UNKL: variants seen among roughly 807,000 people sequenced by gnomAD.
The protein encoded by UNKL is unk like zinc finger.
Under a neutral mutation model 78.0 loss-of-function variants are expected in UNKL, and 60 were observed. That is an observed-to-expected ratio of 0.77 (90% CI 0.63 to 0.95). The LOEUF (loss-of-function observed/expected upper bound fraction) is 0.95. Among genes scored for constraint, UNKL ranks in the 40% least tolerant of loss-of-function variants. The pLI is 0.00. For synonymous variants in UNKL, 608 were observed against 474.8 expected (o/e 1.28, Z -3.65); for missense variants, 1,159 against 1,045.7 (o/e 1.11, Z -1.49).
Position 1,414,703 on chromosome 16 carries a change from A to C in UNKL, c.-12T>G, listed in dbSNP as rs1248609661. 1.5e-5 allele frequency: 17 copies of C among 1,119,628 alleles called. No homozygotes were observed. The highest frequency in any genetic ancestry group is 2.4e-5 in the South Asian group (1 of 41,764). The allele number at this position is 1,119,628 out of a possible 1,614,324, so 69.4% of individuals were successfully genotyped here. A position where few individuals can be genotyped will look rare whatever the true frequency, so the allele number is the denominator to read the frequency against. On this transcript the variant is annotated 5_prime_UTR_variant, in exon 1 of 15. Coordinates refer to ENST00000389221, the MANE Select transcript of UNKL (RefSeq NM_001372107.1). ...GAAACCGACGGCATTTTCAGTCAAA[A>C]CAATGCAGCGCGCATGCGCCGCGCC...
At position 1,403,186 on chromosome 16, in the gene UNKL, G is replaced by A. The variant is rs145589979; in HGVS notation, c.446C>T (p.Pro149Leu). The change falls in exon 3 of 15, where the codon CCG becomes CTG. Residue 149 changes from proline to leucine, a missense_variant. By Grantham distance (98) the Pro-to-Leu change is moderately conservative. Coordinates refer to ENST00000389221, the MANE Select transcript of UNKL (RefSeq NM_001372107.1). This position sits in a 1 kb window ranked among gnomAD's most constrained non-coding sequence, Gnocchi z 4.8. ...CACTCACCTGACGTCACACACGGGC[G>A]GCCGCAGGTCCAGGGGGCCGTGCGC... is the stretch of plus-strand genomic sequence containing the variant. ...AFAHGPLDLR[P>L]PVCDVRELQA... 16 of 1,612,390 alleles carry A rather than the reference G, an allele frequency of 9.9e-6. No individual in the cohort carries two copies. The highest frequency in any genetic ancestry group is 2.2e-5 in the South Asian group (2 of 90,966).
At chr16:1,380,054 C>T (rs1053258715) in intron 10 of UNKL, among the ~76,000 whole-genome samples, 15 of 152,360 alleles carry the variant, frequency 9.8e-5, no homozygotes, top group African/African-American at 3.4e-4. Flanking sequence ...TCCTCCCTCC[C>T]AAGTCCGCGT....
chr16:1,389,977 CTCATTCAT>C (rs371774456), intron 9 of UNKL, among the ~76,000 whole-genome samples: 3 of 152,020 alleles, frequency 2.0e-5, no homozygotes, highest in Admixed American at 6.6e-5. Context: ...CTAAAACTAC[CTCATTCAT>C]TCATTCATTC....
Position 1,366,082 on chromosome 16 carries a change from G to A in UNKL, c.*158C>T, listed in dbSNP as rs990907404. The A allele has an allele frequency of 1.1e-5, 9 of 827,202 alleles. No individual in the cohort carries two copies. The highest frequency in any genetic ancestry group is 3.9e-4 in the Middle Eastern group (1 of 2,554). 51.2% of individuals were successfully genotyped at this position (827,202 alleles called of 1,614,324 possible). ...GACAGGAAAGGCTGTCAGGCCAAGC[G>A]CAGGCGGGGCTCCCAGCCTCATGAT... On this transcript the variant is annotated 3_prime_UTR_variant, in exon 15 of 15. Coordinates refer to ENST00000389221, the MANE Select transcript of UNKL (RefSeq NM_001372107.1).
At chr16:1,398,545 G>C in intron 5 of UNKL, 1 of 1,347,914 alleles carries the variant, frequency 7.4e-7, no homozygotes, top group Non-Finnish European at 9.6e-7. Flanking sequence ...GGTGCTCTCC[G>C]GGGCATGCGA....
At chr16:1,412,184 C>G (rs1192810158) in intron 2 of UNKL, 1 of 152,264 alleles carries the variant, frequency 6.6e-6, no homozygotes, top group Non-Finnish European at 1.5e-5. Context: ...AATATATAAT[C>G]TGACTTGTAT....
Position 1,401,534 on chromosome 16 carries a change from C to T in UNKL, c.598+34G>A, listed in dbSNP as rs767129281. On this transcript the variant is annotated intron_variant, in intron 4 of 14. Transcript: ENST00000389221. ...TGTTCTCGCGCTGTGCCCGCCCCCC[C>T]CACCACCGCCCTCAGCTGCGGCCGT... The T allele has an allele frequency of 3.3e-5, 47 of 1,410,236 alleles. No individual in the cohort carries two copies. In the African/African-American group the frequency reaches 3.5e-4, roughly 10 times the overall value. 87.4% of individuals were successfully genotyped at this position (1,410,236 alleles called of 1,614,324 possible). A position where few individuals can be genotyped will look rare whatever the true frequency, so the allele number is the denominator to read the frequency against.
At chr16:1,382,775 T>C (rs2036650025) in intron 10 of UNKL, among the ~76,000 whole-genome samples, 1 of 150,742 alleles carries the variant, frequency 6.6e-6, no homozygotes. Context: ...CTGGCCAACG[T>C]GGTGAAACCT....
At chr16:1,413,815 C>A in intron 2 of UNKL, 31 bp downstream of exon 2, 1 of 1,496,526 alleles carries the variant, frequency 6.7e-7, no homozygotes, top group Non-Finnish European at 8.9e-7. Context: ...CACCTCCGCC[C>A]AGGCAGCGGC....
intron 5 of UNKL, chr16:1,398,751 C>T (rs566812219): frequency 3.2e-4 from 490 of 1,527,514 alleles, no homozygotes; most frequent in Non-Finnish European, 4.0e-4. Flanking sequence ...ACCAGAAGGC[C>T]GGGCTGGAGC....
rs115384153 is a variant in UNKL at position 1,401,031 on chromosome 16, C to G, written c.598+537G>C. 6.6e-3 allele frequency among the ~76,000 whole-genome samples: 1,009 copies of G among 152,232 alleles called. 16 individuals carry two copies. The highest frequency in any genetic ancestry group is 0.023 in the African/African-American group (949 of 41,530). On this transcript the variant is annotated intron_variant, in intron 4 of 14. Coordinates refer to ENST00000389221, the MANE Select transcript of UNKL (RefSeq NM_001372107.1). ...AAATCAAAATCTCCCCTGCATATAACCTCATCTGTGTGCCAGCCAGGAATG... is the reference window on the plus strand; with the variant it reads ...AAATCAAAATCTCCCCTGCATATAAGCTCATCTGTGTGCCAGCCAGGAATG...
In UNKL at chr16:1,391,349, C is replaced by T. The variant is rs111440078; in HGVS notation, c.1024-655G>A. ...TTTGTTTTGTTTTGAGACAGGATCT[C>T]GCTCTGTCTCCCAGGCTGGAGTGCA... is the stretch of plus-strand genomic sequence containing the variant. On this transcript the variant is annotated intron_variant, in intron 8 of 14. Coordinates refer to ENST00000389221, the MANE Select transcript of UNKL (RefSeq NM_001372107.1). 1.7e-3 allele frequency among the ~76,000 whole-genome samples: 259 copies of T among 152,336 alleles called. 3 individuals are homozygous for T. The highest frequency in any genetic ancestry group is 5.4e-3 in the African/African-American group (223 of 41,576).
intron 13 of UNKL, 55 bp downstream of exon 13, chr16:1,367,601 G>A (rs1269611189): frequency 5.3e-6 from 5 of 939,522 alleles, no homozygotes; most frequent in Non-Finnish European, 7.2e-6. Flanking sequence ...ACGCTCACCT[G>A]AGTCCCCTGC....
intron 10 of UNKL, 91 bp from the exon 11 acceptor site, chr16:1,371,702 TTA>T: frequency 7.4e-7 from 1 of 1,347,726 alleles, no homozygotes; most frequent in Non-Finnish European, 1.0e-6. Flanking sequence ...CCACCTGGGC[TTA>T]GAGTGAGACC....
intron 6 of UNKL, among the ~76,000 whole-genome samples, chr16:1,395,366 A>G (rs2037217394): frequency 1.3e-5 from 2 of 151,754 alleles, no homozygotes; most frequent in South Asian, 4.2e-4. Flanking sequence ...CGGGTTCACC[A>G]TGTTGGCCAG....
At chr16:1,404,495 T>C (rs1307334430) in intron 2 of UNKL, among the ~76,000 whole-genome samples, 2 of 152,120 alleles carry the variant, frequency 1.3e-5, no homozygotes, top group African/African-American at 4.8e-5. Context: ...CACTGAAAGC[T>C]GAGGGTCGAC....
intron 10 of UNKL, among the ~76,000 whole-genome samples, chr16:1,384,191 G>A (rs763398510): frequency 6.6e-6 from 1 of 152,056 alleles, no homozygotes; most frequent in Non-Finnish European, 1.5e-5. Context: ...CCCTGCACGG[G>A]TGTGGCCAGG....
intron 6 of UNKL, among the ~76,000 whole-genome samples, chr16:1,394,704 C>A (rs1283635682): frequency 6.6e-6 from 1 of 152,180 alleles, no homozygotes; most frequent in African/African-American, 2.4e-5. Flanking sequence ...CCTGGCCCAG[C>A]CCCTCCTGCT....
chr16:1,389,777 C>T (rs1397967435), intron 9 of UNKL, among the ~76,000 whole-genome samples: 1 of 152,192 alleles, frequency 6.6e-6, no homozygotes, highest in Non-Finnish European at 1.5e-5. Context: ...TCGGACTCAG[C>T]CCCCAGAACT....
Sources: gnomAD v4.1 joint callset for allele counts (sites outside exome capture counted in the v4.1 genomes callset) on GRCh38, gnomAD v4.1.1 for gene constraint, Gnocchi (gnomAD v3.1) non-coding constraint, MANE v1.5 for transcripts, NCBI Gene and HGNC (gene_info 2026-07-23, HGNC 2026-07-21) for gene names.